The following RPH3A variants were observed in gnomAD, a reference collection of about 807,000 sequenced individuals.
RPH3A encodes the protein rabphilin-3A.
In RPH3A, 48 loss-of-function variants were observed where a neutral mutation model predicts 102.2. The ratio of observed to expected loss-of-function variants is 0.47; its 90% confidence interval spans 0.37 to 0.60. The LOEUF is 0.60. RPH3A is among the 20% of genes least tolerant of loss of function. RPH3A has a pLI of 0.00. For synonymous variants in RPH3A, 310 were observed against 324.3 expected (o/e 0.96, Z 0.47); for missense variants, 781 against 910.1 (o/e 0.86, Z 1.83).
chr12:112,792,820 T>C (rs1378997131), intron 2 of RPH3A, among the ~76,000 whole-genome samples: 1 of 152,200 alleles, frequency 6.6e-6, no homozygotes. Context: ...GTTCACGCTT[T>C]CCTGAGATGG....
chr12:112,653,831 T>G (rs1387684754), intron 1 of RPH3A, among the ~76,000 whole-genome samples: 1 of 152,188 alleles, frequency 6.6e-6, no homozygotes, highest in Admixed American at 6.5e-5. Flanking sequence ...TACAAAATAT[T>G]TTCTTTCCTT....
chr12:112,754,715 G>A (rs996499918), intron 1 of RPH3A, among the ~76,000 whole-genome samples: 1 of 152,168 alleles, frequency 6.6e-6, no homozygotes, highest in Non-Finnish European at 1.5e-5. Flanking sequence ...AGTACCATAA[G>A]AAATATCTCC....
intron 1 of RPH3A, among the ~76,000 whole-genome samples, chr12:112,654,201 T>C (rs2039995309): frequency 6.6e-6 from 1 of 152,208 alleles, no homozygotes; most frequent in Admixed American, 6.5e-5. Flanking sequence ...TGTTTCCTTT[T>C]GTCATCATAG....
chr12:112,677,653 C>A (rs764358307), intron 1 of RPH3A, among the ~76,000 whole-genome samples: 2 of 151,652 alleles, frequency 1.3e-5, no homozygotes, highest in Non-Finnish European at 2.9e-5. Flanking sequence ...ACAACCTAAG[C>A]CTCAGTTTCC....
At chr12:112,752,551 C>T (rs781044268) in intron 1 of RPH3A, among the ~76,000 whole-genome samples, 1 of 150,186 alleles carries the variant, frequency 6.7e-6, no homozygotes, top group African/African-American at 2.4e-5. Context: ...TTGACTTAAC[C>T]TTTCAACAAA....
chr12:112,788,548 T>C (rs1490646394), upstream of RPH3A, among the ~76,000 whole-genome samples: 1 of 152,238 alleles, frequency 6.6e-6, no homozygotes, highest in African/African-American at 2.4e-5. Context: ...GCTTCTTGTC[T>C]GCAAATGGGG....
At chr12:112,798,637 C>T (rs946455681) in intron 2 of RPH3A, among the ~76,000 whole-genome samples, 2 of 152,124 alleles carry the variant, frequency 1.3e-5, no homozygotes, top group Non-Finnish European at 2.9e-5. Context: ...CTCCATTGCA[C>T]ATCTTCCTCC....
At chr12:112,749,108 T>C (rs1367397857) in intron 1 of RPH3A, among the ~76,000 whole-genome samples, 1 of 152,184 alleles carries the variant, frequency 6.6e-6, no homozygotes, top group Non-Finnish European at 1.5e-5. Flanking sequence ...CTGAGTAACC[T>C]TCTGTGCATT....
At chr12:112,629,528 G>A (rs2039789329) in intron 1 of RPH3A, among the ~76,000 whole-genome samples, 1 of 146,788 alleles carries the variant, frequency 6.8e-6, no homozygotes, top group South Asian at 2.2e-4. Context: ...GAGTGCGGTG[G>A]CACAATCACA....
At chr12:112,794,633 C>T (rs2041192640) in intron 2 of RPH3A, among the ~76,000 whole-genome samples, 1 of 152,202 alleles carries the variant, frequency 6.6e-6, no homozygotes, top group African/African-American at 2.4e-5. Flanking sequence ...CACACAAACA[C>T]ACAACATCAG....
intron 5 of RPH3A, among the ~76,000 whole-genome samples, chr12:112,849,417 G>A (rs2042285044): frequency 6.7e-6 from 1 of 150,040 alleles, no homozygotes; most frequent in Admixed American, 6.6e-5. Context: ...CAGTGTGTGT[G>A]TGTGTGTGTG....
At chr12:112,646,641 G>GA (rs1374962605) in intron 1 of RPH3A, among the ~76,000 whole-genome samples, 1 of 152,176 alleles carries the variant, frequency 6.6e-6, no homozygotes, top group Non-Finnish European at 1.5e-5. Context: ...CAGTGAGGTT[G>GA]GACAGTTTCC....
At chr12:112,644,530 C>G (rs2039913046) in intron 1 of RPH3A, among the ~76,000 whole-genome samples, 1 of 152,188 alleles carries the variant, frequency 6.6e-6, no homozygotes, top group African/African-American at 2.4e-5. Flanking sequence ...CTCGGACAGG[C>G]AGTCACAGGT....
intron 1 of RPH3A, among the ~76,000 whole-genome samples, chr12:112,588,375 G>A (rs550138813): frequency 6.7e-6 from 1 of 149,418 alleles, no homozygotes; most frequent in African/African-American, 2.5e-5. Flanking sequence ...AGGAGCAAAG[G>A]CATGTCTTAC....
chr12:112,710,507 C>T (rs1424546492), intron 1 of RPH3A, among the ~76,000 whole-genome samples: 2 of 152,228 alleles, frequency 1.3e-5, no homozygotes, highest in African/African-American at 2.4e-5. Flanking sequence ...CAGGCCACAG[C>T]ACTCTGGCCT....
At chr12:112,702,781 G>A (rs1388352588) in intron 1 of RPH3A, among the ~76,000 whole-genome samples, 1 of 152,242 alleles carries the variant, frequency 6.6e-6, no homozygotes, top group Non-Finnish European at 1.5e-5. Context: ...TGGAGATTCG[G>A]AGTTCTTCTT....
Position 112,656,986 on chromosome 12 carries a change from G to A in RPH3A, c.-140+81667G>A, listed in dbSNP as rs184678899. Among the ~76,000 whole-genome samples the A allele has an allele frequency of 2.8e-3, 423 of 152,154 alleles. 1 individual carries two copies. The highest frequency in any genetic ancestry group is 9.8e-3 in the African/African-American group (406 of 41,526). ...TATCCAGTAGTGGAATTTCTGGGTT[G>A]AATGGGAGCTTATTTTTGGTTCTTT... On this transcript the variant is annotated intron_variant, in intron 1 of 21. Coordinates refer to the RPH3A transcript ENST00000543106.
chr12:112,856,838 C>A (rs1045497522), intron 5 of RPH3A, among the ~76,000 whole-genome samples: 3 of 152,112 alleles, frequency 2.0e-5, no homozygotes, highest in Non-Finnish European at 4.4e-5. Context: ...ATCTTTGCAA[C>A]AATCCTAGGA....
chr12:112,710,757 T>G (rs1332683556), intron 1 of RPH3A, among the ~76,000 whole-genome samples: 1 of 152,180 alleles, frequency 6.6e-6, no homozygotes, highest in Non-Finnish European at 1.5e-5. Context: ...CACAGTGGGC[T>G]GCCTGATGAT....
Sources: allele counts gnomAD v4.1 joint callset (sites outside exome capture counted in the v4.1 genomes callset), GRCh38; gene constraint gnomAD v4.1.1; transcripts MANE v1.5; gene names NCBI Gene and HGNC (gene_info 2026-07-23, HGNC 2026-07-21).